PLEKHA2: variants seen among roughly 807,000 people sequenced by gnomAD.
PLEKHA2 encodes the protein pleckstrin homology domain containing A2, also known as pleckstrin homology domain-containing family A member 2.
In PLEKHA2, 28 loss-of-function variants were observed where a neutral mutation model predicts 53.2. The observed-to-expected ratio is 0.53, with a 90% CI of 0.39 to 0.72. PLEKHA2 has a LOEUF of 0.72. Among genes scored for constraint, PLEKHA2 ranks in the 30% least tolerant of loss-of-function variants. PLEKHA2 has a pLI of 0.00. For missense variants in PLEKHA2, 426 were observed against 537.9 expected, an observed-to-expected ratio of 0.79 and a Z score of 2.06; for synonymous variants, 193 against 196.4, an observed-to-expected ratio of 0.98 and a Z score of 0.14.
chr8:38,967,731 G>A (rs917085498), intron 10 of PLEKHA2, among the ~76,000 whole-genome samples: 3 of 148,494 alleles, frequency 2.0e-5, no homozygotes, highest in East Asian at 2.0e-4. Flanking sequence ...GTGTGATCTC[G>A]GCTCACTGCA....
intron 10 of PLEKHA2, among the ~76,000 whole-genome samples, chr8:38,959,307 T>A (rs965800421): frequency 6.6e-6 from 1 of 152,044 alleles, no homozygotes; most frequent in African/African-American, 2.4e-5. Flanking sequence ...ATAGGAGGTA[T>A]TTTTTTAAAG....
chr8:38,915,049 C>T (rs1834012043), intron 1 of PLEKHA2, among the ~76,000 whole-genome samples: 1 of 152,090 alleles, frequency 6.6e-6, no homozygotes. Context: ...TGAGCTCAAG[C>T]GATTCTCCTA....
chr8:38,955,234 T>C (rs985405981), intron 9 of PLEKHA2, among the ~76,000 whole-genome samples: 5 of 152,216 alleles, frequency 3.3e-5, no homozygotes, highest in African/African-American at 1.2e-4. Flanking sequence ...CCCTGAGAAG[T>C]AGATGTGAAA....
At chr8:38,920,513 G>T (rs1564112565) in intron 2 of PLEKHA2, among the ~76,000 whole-genome samples, 1 of 149,486 alleles carries the variant, frequency 6.7e-6, no homozygotes, top group Non-Finnish European at 1.5e-5. Context: ...CACCTCAAGT[G>T]ATCTGCCTGC....
At chr8:38,955,917 C>T (rs1834930928) in intron 9 of PLEKHA2, among the ~76,000 whole-genome samples, 2 of 152,100 alleles carry the variant, frequency 1.3e-5, no homozygotes, top group Admixed American at 6.6e-5. Flanking sequence ...CTCAGGTGAT[C>T]CTCCCGCCTC....
intron 1 of PLEKHA2, among the ~76,000 whole-genome samples, chr8:38,913,661 C>T (rs1833988536): frequency 6.6e-6 from 1 of 152,192 alleles, no homozygotes; most frequent in Admixed American, 6.5e-5. Flanking sequence ...TGCACCCTTC[C>T]CGGAATGCTG....
At chr8:38,929,385 C>T (rs1834347370) in intron 2 of PLEKHA2, among the ~76,000 whole-genome samples, 1 of 152,230 alleles carries the variant, frequency 6.6e-6, no homozygotes, top group Non-Finnish European at 1.5e-5. Context: ...GACACTGGGC[C>T]TCTTTTGGTG....
chr8:38,943,308 CTGTTTCTGCAAA>C (rs1834645801), intron 3 of PLEKHA2, among the ~76,000 whole-genome samples: 1 of 151,696 alleles, frequency 6.6e-6, no homozygotes, highest in East Asian at 1.9e-4. Context: ...TAGCAAGACC[CTGTTTCTGCAAA>C]TATTTTTCTT....
rs563603448 is a variant in PLEKHA2 at position 38,957,227 on chromosome 8, C to T, written c.774-96C>T. The T allele has an allele frequency of 1.1e-5, 11 of 981,648 alleles. 1 individual carries two copies. The Admixed American group carries it at 1.6e-4, about 14-fold the overall frequency. The allele number at this position is 981,648 out of a possible 1,614,324, so 60.8% of individuals were successfully genotyped here. On this transcript the variant is annotated intron_variant, in intron 9 of 11. Transcript: ENST00000617275. ...TTGGAACCACCCCCCACCCATCTTC[C>T]TTTTTTATGGTAGAGGGCACTGGGG...
At chr8:38,950,682 T>A in intron 5 of PLEKHA2, 168 bp from the exon 6 acceptor site, 1 of 729,100 alleles carries the variant, frequency 1.4e-6, no homozygotes, top group Non-Finnish European at 2.2e-6. Flanking sequence ...CGTTGCTGGT[T>A]GAGATGCTCA....
intron 9 of PLEKHA2, among the ~76,000 whole-genome samples, chr8:38,953,665 C>G (rs1376346674): frequency 1.3e-5 from 2 of 152,162 alleles, no homozygotes; most frequent in Non-Finnish European, 2.9e-5. Context: ...TCCGAAGCTT[C>G]TCAGGTGTTA....
intron 10 of PLEKHA2, among the ~76,000 whole-genome samples, chr8:38,962,537 G>A (rs1835058845): frequency 6.6e-6 from 1 of 152,260 alleles, no homozygotes; most frequent in South Asian, 2.1e-4. Flanking sequence ...AGGTAGAAAG[G>A]CCAGTGATTT....
chr8:38,954,873 A>C (rs1834909782), intron 9 of PLEKHA2, among the ~76,000 whole-genome samples: 1 of 151,946 alleles, frequency 6.6e-6, no homozygotes, highest in Non-Finnish European at 1.5e-5. Context: ...TCTTTACTAA[A>C]AATACAAAAA....
intron 5 of PLEKHA2, among the ~76,000 whole-genome samples, chr8:38,948,760 G>A (rs973604441): frequency 6.6e-6 from 1 of 152,160 alleles, no homozygotes; most frequent in Non-Finnish European, 1.5e-5. Flanking sequence ...TCGAAGTCCC[G>A]GTGACGTCCC....
In PLEKHA2 at chr8:38,957,356, A is replaced by G; in HGVS notation, c.807A>G (p.Ile269Met). The G allele has an allele frequency of 6.2e-7, 1 of 1,613,416 alleles. No homozygotes were observed. Among genetic ancestry groups the G allele is most frequent in the Non-Finnish European group, 8.5e-7 (1 of 1,179,388 alleles). The change falls in exon 10 of 12, where the codon ATA (isoleucine) becomes ATG (methionine). Residue 269 changes from isoleucine (I) to methionine (M), a missense_variant. Physicochemically the swap from Ile to Met is conservative, Grantham distance 10. Coordinates refer to ENST00000617275, the MANE Select transcript of PLEKHA2 (RefSeq NM_021623.2). ...TAATGAGGGACAACCTGTTTGAAAT[A>G]ATAACAAGCTCCAGGACCTTCTACG... ...DLLMRDNLFE[I>M]ITSSRTFYVQ...
At chr8:38,930,570 C>T (rs1834373015) in intron 2 of PLEKHA2, among the ~76,000 whole-genome samples, 2 of 152,230 alleles carry the variant, frequency 1.3e-5, no homozygotes, top group Admixed American at 6.5e-5. Flanking sequence ...ATTTAGAAGT[C>T]CACCAAATGT....
chr8:38,933,790 A>AAAAAAAAAAAAAAAAAAAG (rs71216697), intron 2 of PLEKHA2, among the ~76,000 whole-genome samples: 5,182 of 88,124 alleles, frequency 0.059, 428 homozygotes, highest in Non-Finnish European at 0.096. Flanking sequence ...AAAAAAAAAA[A>AAAAAAAAAAAAAAAAAAAG]AAAAGAAAAG....
chr8:38,938,796 C>A (rs955835951), intron 3 of PLEKHA2, among the ~76,000 whole-genome samples: 1 of 152,060 alleles, frequency 6.6e-6, no homozygotes, highest in African/African-American at 2.4e-5. Context: ...TGGAGTCAGA[C>A]GGTCGGGTGA....
intron 10 of PLEKHA2, among the ~76,000 whole-genome samples, chr8:38,963,769 T>C (rs770142268): frequency 3.9e-5 from 6 of 152,222 alleles, no homozygotes; most frequent in Non-Finnish European, 1.5e-5. Flanking sequence ...AATATCTGAT[T>C]TTCTTTTTGA....
Sources: gnomAD v4.1 joint callset for allele counts (sites outside exome capture counted in the v4.1 genomes callset) on GRCh38, gnomAD v4.1.1 for gene constraint, MANE v1.5 for transcripts, NCBI Gene and HGNC (gene_info 2026-07-23, HGNC 2026-07-21) for gene names.